Variants in UGT3A1 observed in about 807,000 individuals in gnomAD.
The protein encoded by UGT3A1 is UDP-glycosyltransferase 3A1.
UGT3A1 carries 40 observed loss-of-function variants against 37.6 expected under a neutral mutation model. That is an observed-to-expected ratio of 1.06 (90% confidence interval 0.83 to 1.38). UGT3A1 has a LOEUF of 1.38. Ranked by LOEUF, UGT3A1 falls within the 40% of genes most tolerant of loss-of-function variation. The pLI is 0.00. For synonymous variants in UGT3A1, 256 were observed against 232.3 expected (o/e 1.10, Z -0.93); for missense variants, 642 against 634.2 (o/e 1.01, Z -0.13).
intron 2 of UGT3A1, among the ~76,000 whole-genome samples, chr5:35,970,732 A>G (rs1158784116): frequency 6.6e-6 from 1 of 152,218 alleles, no homozygotes; most frequent in Non-Finnish European, 1.5e-5. Context: ...AACAATGCCC[A>G]AAATAGATTA....
At chr5:35,981,939 C>T (rs1740539698) in intron 2 of UGT3A1, among the ~76,000 whole-genome samples, 1 of 152,236 alleles carries the variant, frequency 6.6e-6, no homozygotes, top group African/African-American at 2.4e-5. Flanking sequence ...CATGGCACCC[C>T]TAGCTGTTCC....
rs1740810729 is a variant in UGT3A1, at chr5:35,988,484, A to G, written c.162T>C (p.Thr54=). 1 of 1,612,386 alleles carries G rather than the reference A, an allele frequency of 6.2e-7. No homozygotes were observed. Among genetic ancestry groups the G allele is most frequent in the Non-Finnish European group, 8.5e-7 (1 of 1,179,348 alleles). The change falls in exon 2 of 7, where the codon ACT becomes ACC. Residue 54 remains threonine, a synonymous_variant. Transcript: ENST00000274278. ...AAAACTTTCCACTCTGATGAAGCAT[A>G]GTCACATTATGACCATGCTCTTGAA... is the stretch of plus-strand genomic sequence containing the variant. ...QILQEHGHNV[T]MLHQSGKFLI... is the part of the protein sequence containing the mutation.
chr5:35,971,463 T>TACACACACAC (rs76860183), intron 2 of UGT3A1, among the ~76,000 whole-genome samples: 4 of 147,892 alleles, frequency 2.7e-5, no homozygotes, highest in African/African-American at 1.0e-4. Context: ...GACACACGCA[T>TACACACACAC]ACACACACAC....
chr5:35,997,011 T>A (rs1386237423), intron 2 of UGT3A1, among the ~76,000 whole-genome samples: 1 of 152,144 alleles, frequency 6.6e-6, no homozygotes, highest in Non-Finnish European at 1.5e-5. Context: ...CTTAATATCC[T>A]CTATGACAGG....
In UGT3A1 at chr5:35,988,812, G is replaced by A. The variant is rs146522612; in HGVS notation, c.95-261C>T. On this transcript the variant is annotated intron_variant, in intron 1 of 6. Coordinates refer to ENST00000274278, the MANE Select transcript of UGT3A1 (RefSeq NM_152404.4). The stretch of plus-strand genomic sequence containing the variant: ...CAAAGATTTCCGCTTGTGGCTCAAA[G>A]ACTCCATGTCAGTGTAATGAGCTTC... 2.2e-4 allele frequency among the ~76,000 whole-genome samples: 34 copies of A among 152,274 alleles called. No individual in the cohort carries two copies. The East Asian group carries it at 3.9e-3, about 17-fold the overall frequency.
chr5:35,983,798 C>T (rs958251618), intron 2 of UGT3A1, among the ~76,000 whole-genome samples: 3 of 151,898 alleles, frequency 2.0e-5, no homozygotes, highest in Admixed American at 2.0e-4. Flanking sequence ...GAACAAAAAC[C>T]ATATGATAAT....
chr5:35,991,407 G>T, upstream of UGT3A1: 2 of 1,454,564 alleles, frequency 1.4e-6, no homozygotes, highest in Non-Finnish European at 9.1e-7. Flanking sequence ...TCTCTTTCCC[G>T]CTGCCCCTCC....
At chr5:35,974,381 T>A (rs761043966) in intron 2 of UGT3A1, among the ~76,000 whole-genome samples, 8 of 151,982 alleles carry the variant, frequency 5.3e-5, no homozygotes, top group Non-Finnish European at 1.2e-4. Flanking sequence ...AAGTGTGGAG[T>A]GTAAGCTAGC....
upstream of UGT3A1, among the ~76,000 whole-genome samples, chr5:35,992,381 G>A (rs1052821528): frequency 2.6e-5 from 4 of 152,010 alleles, no homozygotes; most frequent in African/African-American, 4.8e-5. Flanking sequence ...CACACACACT[G>A]GGTTGGGGGA....
chr5:35,954,679 T>G (rs1348506719), intron 6 of UGT3A1: 3 of 597,800 alleles, frequency 5.0e-6, no homozygotes, highest in Non-Finnish European at 8.8e-6. Flanking sequence ...AACACCCACA[T>G]ACAAAGACCA....
At chr5:35,969,325 G>C (rs973871175) in intron 2 of UGT3A1, among the ~76,000 whole-genome samples, 2 of 152,144 alleles carry the variant, frequency 1.3e-5, no homozygotes, top group African/African-American at 4.8e-5. Context: ...AAGCACCCAT[G>C]ACAACACTAT....
chr5:35,996,995 C>T (rs1741110488), intron 2 of UGT3A1, among the ~76,000 whole-genome samples: 1 of 152,204 alleles, frequency 6.6e-6, no homozygotes. Flanking sequence ...GAAACCCCTA[C>T]TCAATCTTAA....
At chr5:35,967,641 T>G (rs2149963983) in intron 3 of UGT3A1, among the ~76,000 whole-genome samples, 1 of 152,298 alleles carries the variant, frequency 6.6e-6, no homozygotes, top group South Asian at 2.1e-4. Flanking sequence ...GAGTTGAAGA[T>G]CCTAGCTTCT....
At chr5:35,992,888 G>T (rs1349771680), upstream of UGT3A1, among the ~76,000 whole-genome samples, 1 of 152,050 alleles carries the variant, frequency 6.6e-6, no homozygotes, top group East Asian at 1.9e-4. Flanking sequence ...TTGGAACTGG[G>T]TCACACAAAC....
intron 4 of UGT3A1, chr5:35,962,661 C>T (rs1283377419): frequency 1.8e-6 from 1 of 540,906 alleles, no homozygotes; most frequent in African/African-American, 1.9e-5. Context: ...GGGCCTCAGG[C>T]CATTCGTCCT....
upstream of UGT3A1, chr5:35,991,702 T>TCCATG (rs1740957480): frequency 1.1e-6 from 1 of 934,650 alleles, no homozygotes; most frequent in Admixed American, 6.0e-5. Flanking sequence ...TAGTGCCATC[T>TCCATG]CCATGCCCCC....
At chr5:35,967,043 A>G (rs892916627) in intron 3 of UGT3A1, among the ~76,000 whole-genome samples, 2 of 152,228 alleles carry the variant, frequency 1.3e-5, no homozygotes, top group Non-Finnish European at 2.9e-5. Context: ...TCATATTTCA[A>G]GTAAATAAAT....
chr5:35,982,680 T>C (rs766053310), intron 2 of UGT3A1, among the ~76,000 whole-genome samples: 1 of 152,238 alleles, frequency 6.6e-6, no homozygotes. Context: ...AAGGCTGGAA[T>C]GAGTTAAGAT....
Position 35,962,845 on chromosome 5 carries a change from G to A in UGT3A1, c.843+2541C>T, listed in dbSNP as rs986341583. The A allele has an allele frequency of 5.0e-5, 35 of 702,152 alleles. 1 individual carries two copies. Among genetic ancestry groups the A allele is most frequent in the South Asian group, 4.4e-4 (30 of 67,546 alleles). The allele number at this position is 702,152 out of a possible 1,614,324, so 43.5% of individuals were successfully genotyped here. A position where few individuals can be genotyped will look rare whatever the true frequency, so the allele number is the denominator to read the frequency against. ...TCAGTGGTTCAGGATACACAGGCTA[G>A]GAGGTGTTTTTCCTCCAGATTCTGA... is the stretch of plus-strand genomic sequence containing the variant. On this transcript the variant is annotated intron_variant, in intron 4 of 6. Transcript: ENST00000274278.
Sources: gnomAD v4.1 joint callset for allele counts (sites outside exome capture counted in the v4.1 genomes callset) on GRCh38, gnomAD v4.1.1 for gene constraint, MANE v1.5 for transcripts, NCBI Gene and HGNC (gene_info 2026-07-23, HGNC 2026-07-21) for gene names.